FBXO25: variants seen among roughly 807,000 people sequenced by gnomAD.
The protein encoded by FBXO25 is F-box protein 25.
In FBXO25, 45 loss-of-function variants were observed where a neutral mutation model predicts 51.9. That is an observed-to-expected ratio of 0.87 (90% CI 0.68 to 1.11). The LOEUF (loss-of-function observed/expected upper bound fraction) is 1.11. Ranked by LOEUF, FBXO25 falls within the 50% of genes most tolerant of loss-of-function variation. The probability of loss-of-function intolerance (pLI) is 0.00; values close to 1 mark genes in which losing one functional copy is unlikely to be tolerated. For synonymous variants in FBXO25, 199 were observed against 151.0 expected, an observed-to-expected ratio of 1.32 and a Z score of -2.33; for missense variants, 507 against 428.5, an observed-to-expected ratio of 1.18 and a Z score of -1.62.
intron 5 of FBXO25, among the ~76,000 whole-genome samples, chr8:442,109 T>C (rs1236747346): frequency 1.3e-5 from 2 of 152,152 alleles, no homozygotes; most frequent in African/African-American, 4.8e-5. Context: ...CTGGTGAGTG[T>C]TGTTTTAAGC....
chr8:413,246 G>T, intron 2 of FBXO25, 33 bp downstream of exon 2: 1 of 1,532,122 alleles, frequency 6.5e-7, no homozygotes, highest in Non-Finnish European at 8.8e-7. Flanking sequence ...CATGCCATTT[G>T]CCAGTTTAGC....
intron 2 of FBXO25, among the ~76,000 whole-genome samples, chr8:430,633 T>C (rs187407991): frequency 2.2e-4 from 34 of 152,332 alleles, no homozygotes; most frequent in Middle Eastern, 3.4e-3. Context: ...AAATCTGTTA[T>C]CAGTGTGTGG....
In FBXO25 at chr8:451,362, C is replaced by G. The variant is rs558624439; in HGVS notation, c.569C>G (p.Ser190Cys). Residue 190 changes from serine to cysteine, a missense_variant, in exon 7 of 10, where the codon TCT becomes TGT. Coordinates refer to ENST00000350302, the MANE Select transcript of FBXO25 (RefSeq NM_183420.2). ...LCILIRGVGKSVLVGNINIWI... is the reference protein window; with the variant it reads ...LCILIRGVGKCVLVGNINIWI... ...ATTCTTATTAGAGGAGTAGGGAAGT[C>G]TGTATTAGTGGGAAACATCAATATT... is the stretch of plus-strand genomic sequence containing the variant. The G allele has an allele frequency of 9.7e-5, 156 of 1,613,970 alleles. 2 individuals carry two copies. The South Asian group carries it at 1.5e-3, about 15-fold the overall frequency.
At chr8:428,992 C>G (rs916341489) in intron 2 of FBXO25, among the ~76,000 whole-genome samples, 26 of 152,318 alleles carry the variant, frequency 1.7e-4, no homozygotes, top group African/African-American at 6.3e-4. Flanking sequence ...AGTAATACTG[C>G]TATGAACGTG....
chr8:411,243 A>G (rs1035255270), intron 1 of FBXO25, among the ~76,000 whole-genome samples: 5 of 152,140 alleles, frequency 3.3e-5, no homozygotes, highest in African/African-American at 9.7e-5. Context: ...TTCAACGTAT[A>G]TTTTCAACTC....
rs1800437115 is a variant in FBXO25, at chr8:470,278, G to A, written c.*1474G>A. The A allele has an allele frequency of 1.3e-5, 2 of 151,970 alleles. No individual in the cohort carries two copies. Among genetic ancestry groups the A allele is most frequent in the South Asian group, 4.2e-4 (2 of 4,810 alleles). 9.4% of individuals were successfully genotyped at this position (151,970 alleles called of 1,614,324 possible). ...TGTGGCCGTCTCCTTACAACCACTG[G>A]TAGTACAGCCAACATCATGAGTCAA... On this transcript the variant is annotated 3_prime_UTR_variant, in exon 10 of 10. Transcript: ENST00000350302.
chr8:467,397 C>T (rs1800242346), intron 9 of FBXO25, among the ~76,000 whole-genome samples: 1 of 152,212 alleles, frequency 6.6e-6, no homozygotes. Flanking sequence ...AGCATCTCTT[C>T]TTCAGTGAAT....
At chr8:459,368 G>A (rs980959323) in intron 8 of FBXO25, among the ~76,000 whole-genome samples, 1 of 152,184 alleles carries the variant, frequency 6.6e-6, no homozygotes, top group Admixed American at 6.5e-5. Flanking sequence ...GCAGAGAGCC[G>A]GACCCTAGCA....
At position 477,382 on chromosome 8, in the gene FBXO25, C is replaced by G. The variant is rs539469092; in HGVS notation, c.*8578C>G. 1 of 152,252 alleles carries G rather than the reference C, an allele frequency of 6.6e-6. No individual in the cohort carries two copies. The highest frequency in any genetic ancestry group is 2.4e-5 in the African/African-American group (1 of 41,460). The allele number at this position is 152,252 out of a possible 1,614,324, so 9.4% of individuals were successfully genotyped here. On this transcript the variant is annotated 3_prime_UTR_variant, in exon 10 of 10. Transcript: ENST00000350302. ...GCAGTCTCCTACTCTTACTGTAGAA[C>G]TATCCATTTCTTCCTTTGATTCTGT...
intron 8 of FBXO25, 29 bp downstream of exon 8, chr8:458,580 G>A (rs745798568): frequency 6.2e-7 from 1 of 1,608,504 alleles, no homozygotes; most frequent in Non-Finnish European, 8.5e-7. Flanking sequence ...TCTCCCCTCA[G>A]GCTGGGAGTT....
At chr8:456,152 G>C (rs1244339404) in intron 7 of FBXO25, among the ~76,000 whole-genome samples, 1 of 152,216 alleles carries the variant, frequency 6.6e-6, no homozygotes, top group African/African-American at 2.4e-5. Flanking sequence ...CATAATTCTT[G>C]TGAGAGTGTT....
intron 2 of FBXO25, among the ~76,000 whole-genome samples, chr8:422,583 A>G (rs899595143): frequency 5.3e-5 from 8 of 152,100 alleles, no homozygotes; most frequent in Admixed American, 2.0e-4. Context: ...TCCTTGTTCT[A>G]TGGCTGCATG....
intron 9 of FBXO25, among the ~76,000 whole-genome samples, chr8:464,616 G>A (rs1461246904): frequency 3.9e-5 from 6 of 152,090 alleles, no homozygotes; most frequent in Non-Finnish European, 7.4e-5. Flanking sequence ...TAGGTCATAC[G>A]GCAAACTCTA....
intron 2 of FBXO25, among the ~76,000 whole-genome samples, chr8:425,132 C>T (rs1324752815): frequency 5.3e-5 from 8 of 152,104 alleles, no homozygotes; most frequent in South Asian, 4.2e-4. Context: ...AAGCGCCCCC[C>T]GCCCCCCACA....
intron 1 of FBXO25, among the ~76,000 whole-genome samples, chr8:412,199 A>G (rs1796518870): frequency 6.6e-6 from 1 of 152,142 alleles, no homozygotes; most frequent in Non-Finnish European, 1.5e-5. Flanking sequence ...CCTAAGCTGA[A>G]ATTAATATCC....
At chr8:429,230 G>C (rs778477069) in intron 2 of FBXO25, among the ~76,000 whole-genome samples, 2 of 151,972 alleles carry the variant, frequency 1.3e-5, no homozygotes, top group Non-Finnish European at 2.9e-5. Context: ...TAATTTGCCA[G>C]TAGCCTCATA....
At position 413,084 on chromosome 8, in the gene FBXO25, C is replaced by T; in HGVS notation, c.5C>T (p.Pro2Leu). The change falls in exon 2 of 10, where the codon CCA (proline) becomes CTA (leucine). Residue 2 changes from proline to leucine, a missense_variant. Pro to Leu is a moderately conservative substitution (Grantham distance 98). Coordinates refer to ENST00000350302, the MANE Select transcript of FBXO25 (RefSeq NM_183420.2). M[P>L]FLGQDWRSPG... ...TAACTTTTTCATAGGAGAACTATGC[C>T]ATTTTTGGGTCAGGACTGGAGATCT... 6.6e-7 allele frequency: 1 copy of T among 1,515,454 alleles called. No homozygotes were observed. The highest frequency in any genetic ancestry group is 8.8e-7 in the Non-Finnish European group (1 of 1,135,986). The allele number at this position is 1,515,454 out of a possible 1,614,324, so 93.9% of individuals were successfully genotyped here.
At chr8:454,040 C>T (rs1163340067) in intron 7 of FBXO25, among the ~76,000 whole-genome samples, 4 of 152,154 alleles carry the variant, frequency 2.6e-5, no homozygotes, top group Admixed American at 2.0e-4. Context: ...AGGGGATTTG[C>T]TTGAACCCGG....
intron 9 of FBXO25, among the ~76,000 whole-genome samples, chr8:464,356 C>T (rs144301827): frequency 7.2e-5 from 11 of 152,166 alleles, no homozygotes; most frequent in Middle Eastern, 3.4e-3. Flanking sequence ...GAGATTTCAC[C>T]GTGGGGGAAA....
Sources: gnomAD v4.1 joint callset for allele counts (sites outside exome capture counted in the v4.1 genomes callset) on GRCh38, gnomAD v4.1.1 for gene constraint, MANE v1.5 for transcripts, NCBI Gene and HGNC (gene_info 2026-07-23, HGNC 2026-07-21) for gene names.